Variants in RAD50 observed in about 807,000 individuals in gnomAD.
RAD50 encodes RAD50 double strand break repair protein, also known as DNA repair protein RAD50.
Under a neutral mutation model 168.8 loss-of-function variants are expected in RAD50, and 132 were observed. That is an observed-to-expected ratio of 0.78 (90% CI 0.68 to 0.90). RAD50 has a LOEUF of 0.90. Ranked by LOEUF, RAD50 falls within the 40% of genes least tolerant of loss-of-function variation. The pLI is 0.00. For synonymous variants in RAD50, 525 were observed against 497.4 expected (o/e 1.06, Z -0.74); for missense variants, 1,347 against 1,534.4 (o/e 0.88, Z 2.04).
In RAD50 at chr5:132,608,616, A is replaced by G. The variant is rs1011481775; in HGVS notation, c.2720A>G (p.Asp907Gly). Residue 907 changes from aspartate to glycine, a missense_variant and splice_region_variant, in exon 17 of 25, where the codon GAT becomes GGT. Asp to Gly is a moderately conservative substitution (Grantham distance 94, BLOSUM62 -1). Coordinates refer to ENST00000378823, the MANE Select transcript of RAD50 (RefSeq NM_005732.4). The stretch of plus-strand genomic sequence containing the variant: ...ACTTTATCTTTTTTATATTTTTAGG[A>G]TGCTAAAGAGCAGGTAAGCCCTTTG... ...EVQSLYREIK[D>G]AKEQVSPLET... is the part of the protein sequence containing the mutation. 6.4e-7 allele frequency: 1 copy of G among 1,573,330 alleles called. No individual in the cohort carries two copies. Among genetic ancestry groups the G allele is most frequent in the South Asian group, 1.2e-5 (1 of 85,164 alleles).
chr5:132,612,433 A>G (rs913516681), intron 19 of RAD50, among the ~76,000 whole-genome samples: 1 of 152,236 alleles, frequency 6.6e-6, no homozygotes, highest in Admixed American at 6.5e-5. Flanking sequence ...TGATGGTTGT[A>G]TAACCTTGTA....
intron 19 of RAD50, among the ~76,000 whole-genome samples, chr5:132,612,922 AT>A (rs1314837277): frequency 6.6e-6 from 1 of 152,154 alleles, no homozygotes; most frequent in Admixed American, 6.6e-5. Flanking sequence ...TTTTGTTGAA[AT>A]TCCTTAGAGG....
intron 5 of RAD50, among the ~76,000 whole-genome samples, chr5:132,584,882 G>C (rs1328508730): frequency 6.9e-6 from 1 of 144,718 alleles, no homozygotes; most frequent in African/African-American, 2.6e-5. Flanking sequence ...ACTCATAGGT[G>C]GGAATTGAAC....
intron 21 of RAD50, among the ~76,000 whole-genome samples, chr5:132,621,739 C>T (rs1306536651): frequency 6.6e-6 from 1 of 152,076 alleles, no homozygotes; most frequent in Middle Eastern, 3.2e-3. Context: ...TTAATTATTC[C>T]TTTAAAAGTA....
rs112348995 is a variant in RAD50, at chr5:132,631,553, A to G, written c.3390-5562A>G. On this transcript the variant is annotated intron_variant, in intron 21 of 24. Coordinates refer to ENST00000378823, the MANE Select transcript of RAD50 (RefSeq NM_005732.4). ...ACACTAGCCAGATGGCTACTTGACC[A>G]TAACAGTTTGCAGCCCATGAAATTC... Among the ~76,000 whole-genome samples the G allele has an allele frequency of 7.5e-3, 1,136 of 152,312 alleles. 16 individuals are homozygous for G. The highest frequency in any genetic ancestry group is 0.025 in the African/African-American group (1,040 of 41,564).
Position 132,593,784 on chromosome 5 carries a change from T to G in RAD50, c.1794-1085T>G, listed in dbSNP as rs546967611. On this transcript the variant is annotated intron_variant, in intron 11 of 24. Transcript: ENST00000378823. The stretch of plus-strand genomic sequence containing the variant: ...TCATTAGTATGTCACCTTGAGAGAG[T>G]TATGCAAAGGGAAGGAGTTACAATT... Among the ~76,000 whole-genome samples, 3 of 152,142 alleles carry G rather than the reference T, an allele frequency of 2.0e-5. No individual in the cohort carries two copies. In the South Asian group the frequency reaches 6.2e-4, roughly 32 times the overall value.
At chr5:132,583,544 G>A (rs1452507707) in intron 5 of RAD50, among the ~76,000 whole-genome samples, 2 of 152,066 alleles carry the variant, frequency 1.3e-5, no homozygotes, top group Non-Finnish European at 2.9e-5. Flanking sequence ...CCTCTCCCCT[G>A]CTCCCATCCA....
At chr5:132,625,605 CTG>C (rs1354535220) in intron 21 of RAD50, among the ~76,000 whole-genome samples, 1 of 152,122 alleles carries the variant, frequency 6.6e-6, no homozygotes, top group African/African-American at 2.4e-5. Flanking sequence ...ACATTGTTGA[CTG>C]TAGTCACTCT....
chr5:132,558,990 A>T (rs1750070684), intron 1 of RAD50, among the ~76,000 whole-genome samples: 1 of 152,232 alleles, frequency 6.6e-6, no homozygotes, highest in Admixed American at 6.5e-5. Flanking sequence ...TACAGTACTT[A>T]ACTGTTAGCC....
Position 132,604,036 on chromosome 5 carries a change from G to A in RAD50, c.2514G>A (p.Lys838=), listed in dbSNP as rs1750936467. The change falls in exon 15 of 25, where the codon AAG becomes AAA. Residue 838 remains lysine (K), a synonymous_variant. Transcript: ENST00000378823. ...VNQEKQEKQH[K]LDTVSSKIEL... is the part of the protein sequence containing the mutation. ...AGGAGAAACAAGAGAAACAGCACAAGTTAGACACAGGTAATACAGTCTGTG... is the reference window on the plus strand; with the variant it reads ...AGGAGAAACAAGAGAAACAGCACAAATTAGACACAGGTAATACAGTCTGTG... 2 of 1,613,490 alleles carry A rather than the reference G, an allele frequency of 1.2e-6. No homozygotes were observed. The highest frequency in any genetic ancestry group is 2.2e-5 in the East Asian group (1 of 44,848).
At chr5:132,589,604 A>C (rs779114420) in intron 8 of RAD50, 27 bp from the exon 9 acceptor site, 1 of 1,491,646 alleles carries the variant, frequency 6.7e-7, no homozygotes, top group East Asian at 2.3e-5. Context: ...TAAATTATTA[A>C]TGCTCATTCT....
At chr5:132,610,869 A>G (rs1751071923) in intron 19 of RAD50, among the ~76,000 whole-genome samples, 2 of 152,318 alleles carry the variant, frequency 1.3e-5, no homozygotes, top group South Asian at 2.1e-4. Context: ...TTTTAAAGTG[A>G]TGGTCTAAAC....
At chr5:132,642,156 T>G in intron 24 of RAD50, 22 bp from the exon 25 acceptor site, 1 of 1,607,818 alleles carries the variant, frequency 6.2e-7, no homozygotes, top group Non-Finnish European at 8.5e-7. Context: ...ACTAATAATA[T>G]GTTCTGAATA....
rs1332396351 is a variant in RAD50 at position 132,644,504 on chromosome 5, G to A, written c.*2140G>A. 1 of 179,770 alleles carries A rather than the reference G, an allele frequency of 5.6e-6. No individual in the cohort carries two copies. The highest frequency in any genetic ancestry group is 6.3e-5 in the Admixed American group (1 of 15,898). The allele number at this position is 179,770 out of a possible 1,614,324, so 11.1% of individuals were successfully genotyped here. On this transcript the variant is annotated 3_prime_UTR_variant, in exon 25 of 25. Transcript: ENST00000378823. Reference sequence around the variant, plus strand: ...CTTATATGTAAAAGTGGGTAAAATGGTACATATTTTGTAGGGTTGTTATGA... The same window carrying A: ...CTTATATGTAAAAGTGGGTAAAATGATACATATTTTGTAGGGTTGTTATGA...
At chr5:132,560,611 G>C (rs1480116491) in intron 2 of RAD50, among the ~76,000 whole-genome samples, 1 of 152,086 alleles carries the variant, frequency 6.6e-6, no homozygotes, top group East Asian at 1.9e-4. Context: ...CTGTACATAC[G>C]TGCCCATACT....
chr5:132,564,458 T>C (rs1188806399), intron 2 of RAD50, among the ~76,000 whole-genome samples: 1 of 152,172 alleles, frequency 6.6e-6, no homozygotes, highest in Admixed American at 6.5e-5. Context: ...TTAGAGTATT[T>C]GGTGGAAGAA....
At chr5:132,619,885 T>TAAAGATATATATATAGAG (rs1554099997) in intron 21 of RAD50, among the ~76,000 whole-genome samples, 11 of 121,220 alleles carry the variant, frequency 9.1e-5, no homozygotes, top group African/African-American at 3.5e-4. Context: ...TATATATATA[T>TAAAGATATATATATAGAG]AGAGAGAGAG....
At chr5:132,606,350 C>T (rs7706859) in intron 16 of RAD50, among the ~76,000 whole-genome samples, 7,217 of 152,170 alleles carry the variant, frequency 0.047, 556 homozygotes, top group African/African-American at 0.17. Flanking sequence ...AACACCTCTA[C>T]GCAAATAAAC....
chr5:132,570,071 G>A (rs939194823), intron 2 of RAD50, among the ~76,000 whole-genome samples: 6 of 152,132 alleles, frequency 3.9e-5, no homozygotes, highest in Admixed American at 2.0e-4. Flanking sequence ...TACAGAAAAC[G>A]CATTTCAATT....
Sources: allele counts gnomAD v4.1 joint callset (sites outside exome capture counted in the v4.1 genomes callset), GRCh38; gene constraint gnomAD v4.1.1; transcripts MANE v1.5; gene names NCBI Gene and HGNC (gene_info 2026-07-23, HGNC 2026-07-21).